Variants in UGP2 observed in about 807,000 individuals in gnomAD.
The protein encoded by UGP2 is UTP--glucose-1-phosphate uridylyltransferase.
Under a neutral mutation model 49.0 loss-of-function variants are expected in UGP2, and 40 were observed. The ratio of observed to expected loss-of-function variants is 0.82; its 90% CI spans 0.63 to 1.06. The LOEUF is 1.06. UGP2 is among the 50% of genes least tolerant of loss of function. The probability of loss-of-function intolerance (pLI) is 0.00; values close to 1 mark genes in which losing one functional copy is unlikely to be tolerated. For synonymous variants in UGP2, 225 were observed against 213.0 expected, an observed-to-expected ratio of 1.06 and a Z score of -0.49; for missense variants, 460 against 603.5, an observed-to-expected ratio of 0.76 and a Z score of 2.49.
At chr2:63,867,191 C>A (rs946507017) in intron 3 of UGP2, among the ~76,000 whole-genome samples, 1 of 152,142 alleles carries the variant, frequency 6.6e-6, no homozygotes, top group African/African-American at 2.4e-5. Flanking sequence ...ACTAAAAAAT[C>A]CTACCATTAC....
intron 3 of UGP2, among the ~76,000 whole-genome samples, chr2:63,882,048 C>T (rs1671354503): frequency 6.6e-6 from 1 of 152,166 alleles, no homozygotes; most frequent in Non-Finnish European, 1.5e-5. Context: ...ATATGTAGTT[C>T]TCCAGAATTG....
Position 63,887,472 on chromosome 2 carries a change from A to G in UGP2, c.1142A>G (p.Asn381Ser). Residue 381 changes from asparagine to serine, a missense_variant, in exon 8 of 10, where the codon AAT (asparagine) becomes AGT (serine). This residue lies in a region of UGP2 where 317 missense variants were observed against 473.0 expected (regional missense o/e 0.67). Coordinates refer to ENST00000337130, the MANE Select transcript of UGP2 (RefSeq NM_006759.4). ...GGGGCTGCCATCAAAAGTTTTGAGA[A>G]TTCTCTAGGTATTAATGTGCCAAGG... is the stretch of plus-strand genomic sequence containing the variant. ...AVGAAIKSFE[N>S]SLGINVPRSR... 1 of 1,614,084 alleles carries G rather than the reference A, an allele frequency of 6.2e-7. No individual in the cohort carries two copies. Among genetic ancestry groups the G allele is most frequent in the Non-Finnish European group, 8.5e-7 (1 of 1,180,000 alleles).
chr2:63,856,823 A>G (rs779900240), intron 2 of UGP2: 9 of 458,574 alleles, frequency 2.0e-5, no homozygotes, highest in East Asian at 6.9e-5. Flanking sequence ...TACTTTGACA[A>G]TTGTCATAGA....
Position 63,886,526 on chromosome 2 carries a change from T to C in UGP2, c.1059T>C (p.Ile353=). The C allele has an allele frequency of 6.2e-7, 1 of 1,614,106 alleles. No homozygotes were observed. The highest frequency in any genetic ancestry group is 8.5e-7 in the Non-Finnish European group (1 of 1,180,026). ...AAAATGCCATTGACATGGAAATCAT[T>C]GTGAATGCAAAGGTAAGCCAAGGTT... The part of the protein sequence containing the change: ...QEQNAIDMEI[I]VNAKTLDGGL... Residue 353 remains isoleucine, a synonymous_variant, in exon 7 of 10, where the codon ATT becomes ATC. Transcript: ENST00000337130.
chr2:63,874,504 C>T (rs1670775638), intron 3 of UGP2, among the ~76,000 whole-genome samples: 1 of 152,092 alleles, frequency 6.6e-6, no homozygotes, highest in African/African-American at 2.4e-5. Context: ...ATGAGATTTT[C>T]AAGGAGCAGG....
chr2:63,858,557 G>A (rs980882767), intron 3 of UGP2, among the ~76,000 whole-genome samples: 2 of 151,218 alleles, frequency 1.3e-5, no homozygotes, highest in African/African-American at 2.4e-5. Flanking sequence ...AAAATCTCAC[G>A]TAATGTTCTC....
At chr2:63,850,149 A>G (rs1045452274) in intron 1 of UGP2, among the ~76,000 whole-genome samples, 1 of 152,226 alleles carries the variant, frequency 6.6e-6, no homozygotes, top group Non-Finnish European at 1.5e-5. Flanking sequence ...GTATAAGAGT[A>G]GGGTTAATTT....
chr2:63,862,511 A>T (rs1212088943), intron 3 of UGP2, among the ~76,000 whole-genome samples: 4 of 152,180 alleles, frequency 2.6e-5, no homozygotes, highest in Non-Finnish European at 4.4e-5. Context: ...GCCCATGATT[A>T]TTAATTCCAT....
At chr2:63,856,948 C>G in intron 2 of UGP2, 1 of 390,962 alleles carries the variant, frequency 2.6e-6, no homozygotes, top group Non-Finnish European at 5.0e-6. Flanking sequence ...TGTTTTATTT[C>G]TTTTTGTTCT....
chr2:63,861,506 T>C (rs961685074), intron 3 of UGP2, among the ~76,000 whole-genome samples: 7 of 151,188 alleles, frequency 4.6e-5, no homozygotes, highest in South Asian at 2.1e-4. Flanking sequence ...ACAGGCAACA[T>C]AGACCTCACC....
intron 3 of UGP2, among the ~76,000 whole-genome samples, chr2:63,860,112 T>C (rs1669731307): frequency 6.6e-6 from 1 of 152,190 alleles, no homozygotes; most frequent in South Asian, 2.1e-4. Context: ...ATGTAATTTT[T>C]AAAAGTGAAC....
chr2:63,880,037 A>G (rs1671183515), intron 3 of UGP2, among the ~76,000 whole-genome samples: 1 of 152,192 alleles, frequency 6.6e-6, no homozygotes, highest in Non-Finnish European at 1.5e-5. Context: ...TGGCTTTTAC[A>G]AAATAATTGG....
At chr2:63,868,369 C>T (rs12475294) in intron 3 of UGP2, among the ~76,000 whole-genome samples, 26,827 of 152,090 alleles carry the variant, frequency 0.18, 3,142 homozygotes, top group Non-Finnish European at 0.24. Flanking sequence ...CATGGCAAAA[C>T]CTTGGAAATG....
chr2:63,850,753 A>G (rs1383431277), intron 1 of UGP2, among the ~76,000 whole-genome samples: 2 of 152,220 alleles, frequency 1.3e-5, no homozygotes, highest in African/African-American at 4.8e-5. Flanking sequence ...ATGACAGTCT[A>G]TACTTATCTT....
At chr2:63,889,344 G>T (rs557741040) in intron 8 of UGP2, 9 of 151,978 alleles carry the variant, frequency 5.9e-5, no homozygotes, top group African/African-American at 2.2e-4. Flanking sequence ...TGGGAATGCA[G>T]TCAGGAGGGA....
At chr2:63,842,619 T>C in intron 1 of UGP2, 1 of 1,444,664 alleles carries the variant, frequency 6.9e-7, no homozygotes, top group African/African-American at 1.4e-5. Context: ...GCCGGGACTG[T>C]TGGGGAAGCT....
At chr2:63,882,920 ACTTT>A (rs1350166527) in intron 4 of UGP2, among the ~76,000 whole-genome samples, 1 of 152,070 alleles carries the variant, frequency 6.6e-6, no homozygotes, top group East Asian at 1.9e-4. Context: ...TGCTCTACCC[ACTTT>A]CTTTCTGGTG....
At chr2:63,865,999 CTCTT>C (rs1462849080) in intron 3 of UGP2, among the ~76,000 whole-genome samples, 3 of 152,052 alleles carry the variant, frequency 2.0e-5, no homozygotes, top group African/African-American at 4.8e-5. Flanking sequence ...TTTAAAAAAG[CTCTT>C]TCTAAGAAAA....
chr2:63,882,789 A>C, intron 4 of UGP2, 138 bp downstream of exon 4: 1 of 971,586 alleles, frequency 1.0e-6, no homozygotes, highest in Non-Finnish European at 1.4e-6. Context: ...TTATTGGTGG[A>C]AAAAAGGTTT....
Sources: gnomAD v4.1 joint callset for allele counts (sites outside exome capture counted in the v4.1 genomes callset) on GRCh38, gnomAD v4.1.1 for gene constraint, gnomAD v4.1.1 regional missense constraint, MANE v1.5 for transcripts, NCBI Gene and HGNC (gene_info 2026-07-23, HGNC 2026-07-21) for gene names.